Variants in SCN4A observed in about 807,000 individuals in gnomAD.
SCN4A encodes the protein sodium channel protein type 4 subunit alpha.
Under a neutral mutation model 162.0 loss-of-function variants are expected in SCN4A, and 83 were observed. That is an observed-to-expected ratio of 0.51 (90% CI 0.43 to 0.61). SCN4A has a LOEUF of 0.61. Ranked by LOEUF, SCN4A falls within the 20% of genes least tolerant of loss-of-function variation. The pLI, the probability that SCN4A is intolerant of heterozygous loss-of-function variation, is 0.00. For missense variants in SCN4A, 2,196 were observed against 2,462.5 expected (o/e 0.89, Z 2.29); for synonymous variants, 944 against 985.1 (o/e 0.96, Z 0.78).
chr17:63,945,450 C>T lies in SCN4A; in HGVS notation c.3630G>A (p.Glu1210=), dbSNP rs767278152. The change falls in exon 19 of 24, where the codon GAG becomes GAA. Residue 1210 remains glutamate, a synonymous_variant. Transcript: ENST00000435607. This position sits in a 1 kb window ranked among gnomAD's most constrained non-coding sequence, Gnocchi z 4.4. ...GGACCTGGCCTGTGTGCATGAGGCT[C>T]TCGCACTCAGACTTGTTGTTGACCT... is the stretch of plus-strand genomic sequence containing the variant. ...ISEVNNKSEC[E]SLMHTGQVRW... The T allele has an allele frequency of 1.2e-6, 2 of 1,613,950 alleles. No homozygotes were observed. Among genetic ancestry groups the T allele is most frequent in the Non-Finnish European group, 1.7e-6 (2 of 1,179,850 alleles).
rs970080952 is a variant in SCN4A, at chr17:63,964,482, C to G, written c.1438G>C (p.Glu480Gln). Residue 480 changes from glutamate to glutamine, a missense_variant, in exon 9 of 24, where the codon GAG becomes CAG. Physicochemically the swap from Glu to Gln is conservative, Grantham distance 29. Transcript: ENST00000435607. ...QMLEKFKKHQEELEKAKAAQA... is the reference protein window; with the variant it reads ...QMLEKFKKHQQELEKAKAAQA... ...TGAGTCCAGACCTTCTCCAGCTCCT[C>G]CTGGTGCTTTTTGAACTTCTCAAGC... 3 of 1,614,016 alleles carry G rather than the reference C, an allele frequency of 1.9e-6. No homozygotes were observed. The highest frequency in any genetic ancestry group is 2.5e-6 in the Non-Finnish European group (3 of 1,179,878).
In SCN4A at chr17:63,945,759, G is replaced by T; in HGVS notation, c.3442-121C>A. 2.0e-6 allele frequency: 2 copies of T among 1,024,608 alleles called. No homozygotes were observed. The highest frequency in any genetic ancestry group is 2.9e-6 in the Non-Finnish European group (2 of 683,328). 63.5% of individuals were successfully genotyped at this position (1,024,608 alleles called of 1,614,324 possible). A position where few individuals can be genotyped will look rare whatever the true frequency, so the allele number is the denominator to read the frequency against. On this transcript the variant is annotated intron_variant, in intron 18 of 23. Coordinates refer to ENST00000435607, the MANE Select transcript of SCN4A (RefSeq NM_000334.4). The surrounding 1 kb of genome is among the most constrained non-coding windows in gnomAD (Gnocchi z 4.4). ...ATTGTCAATTAGGGAGGGCTTCCTAGAGGAGGGCCGACCTGCTGGGCTGTG... is the reference window on the plus strand; with the variant it reads ...ATTGTCAATTAGGGAGGGCTTCCTATAGGAGGGCCGACCTGCTGGGCTGTG...
intron 13 of SCN4A, among the ~76,000 whole-genome samples, chr17:63,956,271 T>C (rs1417587910): frequency 6.6e-6 from 1 of 152,254 alleles, no homozygotes; most frequent in Non-Finnish European, 1.5e-5. Flanking sequence ...GATGGGGTCT[T>C]GCTCTGCCCC....
rs549771520 is a variant in SCN4A at position 63,941,715 on chromosome 17, C to T, written c.4567G>A (p.Gly1523Ser). Residue 1523 changes from glycine to serine, a missense_variant, in exon 24 of 24, where the codon GGC (glycine) becomes AGC (serine). By Grantham distance (56) the Gly-to-Ser change is moderately conservative (BLOSUM62 0). Coordinates refer to ENST00000435607, the MANE Select transcript of SCN4A (RefSeq NM_000334.4). The surrounding 1 kb of genome is among the most constrained non-coding windows in gnomAD (Gnocchi z 6.2). The stretch of plus-strand genomic sequence containing the variant: ...TCGAACAGGCAGATGATGCTGTTGC[C>T]GAAGGTCTCGAAGTTGAACATATCA... ...IDDMFNFETFGNSIICLFEIT... is the reference protein window; with the variant it reads ...IDDMFNFETFSNSIICLFEIT... 2.0e-5 allele frequency: 32 copies of T among 1,614,018 alleles called. 1 individual carries two copies. Among genetic ancestry groups the T allele is most frequent in the Middle Eastern group, 1.6e-4 (1 of 6,062 alleles).
rs763017199 is a variant in SCN4A at position 63,959,274 on chromosome 17, G to T, written c.2010C>A (p.Ser670=). The change falls in exon 12 of 24, where the codon TCC becomes TCA. Residue 670 remains serine, a synonymous_variant. Coordinates refer to ENST00000435607, the MANE Select transcript of SCN4A (RefSeq NM_000334.4). ...ANVQGLSVLR[S]FRLLRVFKLA... is the part of the protein sequence containing the mutation. ...TGGGGCTTTTGTGTACCAGACGGAA[G>T]GAGCGTAGCACAGACAGTCCCTGTA... 1.2e-6 allele frequency: 2 copies of T among 1,611,188 alleles called. No individual in the cohort carries two copies. The highest frequency in any genetic ancestry group is 1.7e-6 in the Non-Finnish European group (2 of 1,177,670).
At chr17:63,947,581 C>T (rs995483446) in intron 17 of SCN4A, among the ~76,000 whole-genome samples, 7 of 152,124 alleles carry the variant, frequency 4.6e-5, no homozygotes, top group Non-Finnish European at 8.8e-5. Flanking sequence ...TAGCAAGATC[C>T]CATCTTAAAA....
At position 63,944,888 on chromosome 17, in the gene SCN4A, C is replaced by A; in HGVS notation, c.3775-78G>T. 3 of 1,591,890 alleles carry A rather than the reference C, an allele frequency of 1.9e-6. No individual in the cohort carries two copies. Among genetic ancestry groups the A allele is most frequent in the Admixed American group, 3.5e-5 (2 of 57,294 alleles). On this transcript the variant is annotated intron_variant, in intron 20 of 23. Transcript: ENST00000435607. This position sits in a 1 kb window ranked among gnomAD's most constrained non-coding sequence, Gnocchi z 4.3. The stretch of plus-strand genomic sequence containing the variant: ...GCCCCCCACAGCCCTGAGGGCAGGA[C>A]CCATCCACCCCCAGGGCTGCCAAGT...
chr17:63,971,266 TGGAGGGG>T lies in SCN4A; in HGVS notation c.612-20_612-14del. 1.3e-6 allele frequency: 1 copy of T among 786,656 alleles called. No homozygotes were observed. Among genetic ancestry groups the T allele is most frequent in the Non-Finnish European group, 1.7e-6 (1 of 574,534 alleles). The allele number at this position is 786,656 out of a possible 1,614,324, so 48.7% of individuals were successfully genotyped here. On this transcript the variant is annotated splice_polypyrimidine_tract_variant and intron_variant, in intron 4 of 23. Transcript: ENST00000435607. Reference sequence around the variant, plus strand: ...CTCTGTCAGGTACCTGGGTAGGGGGTGGAGGGGGGTGGGGACTGTCAGAGCCTGGGGT... The same window carrying T: ...CTCTGTCAGGTACCTGGGTAGGGGGTGGTGGGGACTGTCAGAGCCTGGGGT...
intron 12 of SCN4A, among the ~76,000 whole-genome samples, chr17:63,958,002 TAAAAA>T (rs60393540): frequency 1.8e-5 from 1 of 55,198 alleles, no homozygotes; most frequent in African/African-American, 6.0e-5. Flanking sequence ...AAAACTCCAC[TAAAAA>T]AAAAAAAAAA....
In SCN4A at chr17:63,972,892, C is replaced by G; in HGVS notation, c.-51G>C. 2 of 1,548,430 alleles carry G rather than the reference C, an allele frequency of 1.3e-6. No homozygotes were observed. The highest frequency in any genetic ancestry group is 2.1e-4 in the Middle Eastern group (1 of 4,834). On this transcript the variant is annotated 5_prime_UTR_variant, in exon 1 of 24. Transcript: ENST00000435607. The surrounding 1 kb of genome is among the most constrained non-coding windows in gnomAD (Gnocchi z 4.3). Reference sequence around the variant, plus strand: ...GAAGGGTGGTGGGTGGCCTGGGGAGCTGCAGTGCGCAGCCCCGGGGTGCTG... The same window carrying G: ...GAAGGGTGGTGGGTGGCCTGGGGAGGTGCAGTGCGCAGCCCCGGGGTGCTG...
rs745665168 is a variant in SCN4A at position 63,961,239 on chromosome 17, T to A, written c.1799A>T (p.Tyr600Phe). 7.4e-7 allele frequency: 1 copy of A among 1,345,882 alleles called. No individual in the cohort carries two copies. Among genetic ancestry groups the A allele is most frequent in the Non-Finnish European group, 9.8e-7 (1 of 1,020,804 alleles). The allele number at this position is 1,345,882 out of a possible 1,614,324, so 83.4% of individuals were successfully genotyped here. ...LNTLFMAMEHYPMTEHFDNVL... is the reference protein window; with the variant it reads ...LNTLFMAMEHFPMTEHFDNVL... Reference sequence around the variant, plus strand: ...GTTGTCAAAGTGCTCCGTCATGGGGTAATGTTCCATGGCCATGAAGAGGGT... The same window carrying A: ...GTTGTCAAAGTGCTCCGTCATGGGGAAATGTTCCATGGCCATGAAGAGGGT... The change falls in exon 11 of 24, where the codon TAC becomes TTC. Residue 600 changes from tyrosine to phenylalanine, a missense_variant. Coordinates refer to ENST00000435607, the MANE Select transcript of SCN4A (RefSeq NM_000334.4).
Position 63,961,225 on chromosome 17 carries a change from G to T in SCN4A, c.1813C>A (p.His605Asn). The T allele has an allele frequency of 6.7e-7, 1 of 1,493,792 alleles. No homozygotes were observed. Among genetic ancestry groups the T allele is most frequent in the Non-Finnish European group, 9.1e-7 (1 of 1,101,738 alleles). The allele number at this position is 1,493,792 out of a possible 1,614,324, so 92.5% of individuals were successfully genotyped here. The change falls in exon 11 of 24, where the codon CAC becomes AAC. Residue 605 changes from histidine to asparagine, a missense_variant. His to Asn is a moderately conservative substitution (Grantham distance 68). Transcript: ENST00000435607. Reference sequence around the variant, plus strand: ...CCCACAGTGAGCACGTTGTCAAAGTGCTCCGTCATGGGGTAATGTTCCATG... The same window carrying T: ...CCCACAGTGAGCACGTTGTCAAAGTTCTCCGTCATGGGGTAATGTTCCATG... ...MAMEHYPMTE[H>N]FDNVLTVGNL... is the part of the protein sequence containing the mutation.
intron 12 of SCN4A, 73 bp downstream of exon 12, chr17:63,959,192 T>A: frequency 7.1e-7 from 1 of 1,402,750 alleles, no homozygotes; most frequent in Non-Finnish European, 9.8e-7. Context: ...TCTCCTCCCA[T>A]CCCTGTGCCC....
At chr17:63,946,568 C>G (rs531400093) in intron 18 of SCN4A, among the ~76,000 whole-genome samples, 43 of 151,966 alleles carry the variant, frequency 2.8e-4, no homozygotes, top group African/African-American at 1.0e-3. Context: ...GGCATGGCCC[C>G]AACCGTGACG....
In SCN4A at chr17:63,944,108, A is replaced by G. The variant is rs1215196258; in HGVS notation, c.3913-258T>C. ...TTTCATCAACATCTCGCTGAGCCCT[A>G]GAGTAACCCACAAGGCAGGTTGTAG... On this transcript the variant is annotated intron_variant, in intron 21 of 23. Transcript: ENST00000435607. The surrounding 1 kb of genome is among the most constrained non-coding windows in gnomAD (Gnocchi z 4.3). Among the ~76,000 whole-genome samples, 1 of 151,830 alleles carries G rather than the reference A, an allele frequency of 6.6e-6. No homozygotes were observed. The highest frequency in any genetic ancestry group is 2.4e-5 in the African/African-American group (1 of 41,302).
intron 13 of SCN4A, among the ~76,000 whole-genome samples, chr17:63,955,060 T>C (rs988744149): frequency 1.3e-5 from 2 of 152,224 alleles, no homozygotes; most frequent in African/African-American, 4.8e-5. Flanking sequence ...GCTAAATAAA[T>C]GTCAGCTGTC....
intron 16 of SCN4A, 71 bp from the exon 17 acceptor site, chr17:63,948,134 G>T: frequency 1.6e-6 from 2 of 1,284,224 alleles, no homozygotes; most frequent in African/African-American, 1.5e-5. Flanking sequence ...CCCCTGCCCT[G>T]CTCTATGCTG....
chr17:63,959,557 G>A, intron 11 of SCN4A, 119 bp from the exon 12 acceptor site: 1 of 894,404 alleles, frequency 1.1e-6, no homozygotes, highest in South Asian at 1.5e-5. Context: ...GGGGTCCAGA[G>A]CCCTGAGAGG....
At position 63,971,729 on chromosome 17, in the gene SCN4A, T is replaced by G. The variant is rs533296078; in HGVS notation, c.604A>C (p.Met202Leu). The G allele has an allele frequency of 3.1e-6, 5 of 1,598,518 alleles. No individual in the cohort carries two copies. The highest frequency in any genetic ancestry group is 4.3e-6 in the Non-Finnish European group (5 of 1,172,850). Reference sequence around the variant, plus strand: ...CCTGGGGCCCCTGCTCACGCCATCATGATGACACTGAAGTCCAGCCAGTTC... The same window carrying G: ...CCTGGGGCCCCTGCTCACGCCATCAGGATGACACTGAAGTCCAGCCAGTTC... ...PWNWLDFSVI[M>L]MAYLTEFVDL... The change falls in exon 4 of 24, where the codon ATG becomes CTG. Residue 202 changes from methionine to leucine, a missense_variant. Transcript: ENST00000435607.
Sources: gnomAD v4.1 joint callset for allele counts (sites outside exome capture counted in the v4.1 genomes callset) on GRCh38, gnomAD v4.1.1 for gene constraint, Gnocchi (gnomAD v3.1) non-coding constraint, MANE v1.5 for transcripts, NCBI Gene and HGNC (gene_info 2026-07-23, HGNC 2026-07-21) for gene names.